The following CPQ variants were observed in gnomAD, a reference collection of about 807,000 sequenced individuals.
The protein encoded by CPQ is carboxypeptidase Q.
In CPQ, 37 loss-of-function variants were observed where a neutral mutation model predicts 45.7. The observed-to-expected ratio is 0.81, with a 90% CI of 0.62 to 1.07. The LOEUF is 1.07. Ranked by LOEUF, CPQ falls within the 50% of genes least tolerant of loss-of-function variation. The probability of loss-of-function intolerance (pLI) is 0.00; values close to 1 mark genes in which losing one functional copy is unlikely to be tolerated. For synonymous variants in CPQ, 186 were observed against 205.8 expected (o/e 0.90, Z 0.82); for missense variants, 537 against 572.9 (o/e 0.94, Z 0.64).
chr8:96,854,557 A>AAAAACAC lies in CPQ; in HGVS notation c.641+19379_641+19380insAACACAA, dbSNP rs1554573253. 3.9e-3 allele frequency among the ~76,000 whole-genome samples: 300 copies of AAAAACAC among 76,876 alleles called. 65 individuals carry two copies. The highest frequency in any genetic ancestry group is 0.01 in the African/African-American group (209 of 20,030). The allele number at this position is 76,876 out of a possible 152,430, so 50.4% of individuals were successfully genotyped here. The stretch of plus-strand genomic sequence containing the variant: ...AAAAAAAAAAAAAAAAAAAAAAAAA[A>AAAAACAC]AATGTGGTGGAACTAAAAGCCCAGT... On this transcript the variant is annotated intron_variant, in intron 3 of 7. Coordinates refer to ENST00000220763, the MANE Select transcript of CPQ (RefSeq NM_016134.4).
At chr8:96,781,438 A>G (rs915453862) in intron 1 of CPQ, among the ~76,000 whole-genome samples, 3 of 152,196 alleles carry the variant, frequency 2.0e-5, no homozygotes, top group African/African-American at 4.8e-5. Context: ...ACTCACTCCC[A>G]TGATAAATAA....
intron 1 of CPQ, among the ~76,000 whole-genome samples, chr8:96,672,317 T>C (rs748563995): frequency 2.0e-5 from 3 of 152,182 alleles, no homozygotes; most frequent in Admixed American, 6.5e-5. Flanking sequence ...GGACCTGCCA[T>C]GTACTAGACA....
chr8:97,072,284 A>G (rs1810756882), intron 7 of CPQ, among the ~76,000 whole-genome samples: 1 of 152,126 alleles, frequency 6.6e-6, no homozygotes, highest in South Asian at 2.1e-4. Context: ...AAATAATTAA[A>G]AGTAGCTGCA....
At chr8:97,027,126 C>T (rs1281992545) in intron 5 of CPQ, among the ~76,000 whole-genome samples, 23 of 152,232 alleles carry the variant, frequency 1.5e-4, no homozygotes, top group Admixed American at 1.5e-3. Context: ...GCCTATATTA[C>T]AAGCAAGTAA....
intron 1 of CPQ, among the ~76,000 whole-genome samples, chr8:96,758,491 G>A (rs1810355199): frequency 6.6e-6 from 1 of 152,160 alleles, no homozygotes; most frequent in Admixed American, 6.6e-5. Context: ...TATACTCATA[G>A]TAATTCTGAT....
chr8:97,013,363 A>G (rs1004357150), intron 5 of CPQ, among the ~76,000 whole-genome samples: 1 of 152,236 alleles, frequency 6.6e-6, no homozygotes, highest in African/African-American at 2.4e-5. Context: ...AGTTCTTTTT[A>G]TAAATCTGAT....
intron 6 of CPQ, among the ~76,000 whole-genome samples, chr8:97,042,796 T>C (rs1045445366): frequency 1.5e-4 from 23 of 152,218 alleles, no homozygotes; most frequent in African/African-American, 5.3e-4. Context: ...TTGAGCGGTT[T>C]TGAGTGAGTT....
chr8:96,745,734 T>A (rs999425577), intron 1 of CPQ, among the ~76,000 whole-genome samples: 3 of 152,200 alleles, frequency 2.0e-5, no homozygotes, highest in African/African-American at 7.2e-5. Context: ...AGAGGTGAAC[T>A]GGTAAATACC....
intron 1 of CPQ, among the ~76,000 whole-genome samples, chr8:96,651,696 T>C (rs1324432352): frequency 8.5e-5 from 8 of 94,638 alleles, no homozygotes; most frequent in African/African-American, 2.2e-4. Context: ...GAACATTTAA[T>C]AGTATATTTT....
chr8:96,803,426 A>G lies in CPQ; in HGVS notation c.433+18096A>G, dbSNP rs185508240. Among the ~76,000 whole-genome samples, 141 of 152,346 alleles carry G rather than the reference A, an allele frequency of 9.3e-4. 1 individual carries two copies. Among genetic ancestry groups the G allele is most frequent in the African/African-American group, 2.9e-3 (121 of 41,586 alleles). ...TCAGAAGTGGAGAAGCAAAAATGTT[A>G]AAGATCTATTAATACCTTTTGTATA... On this transcript the variant is annotated intron_variant, in intron 2 of 7. Transcript: ENST00000220763.
At chr8:96,962,380 AG>A (rs548314289) in intron 4 of CPQ, among the ~76,000 whole-genome samples, 22 of 152,346 alleles carry the variant, frequency 1.4e-4, no homozygotes, top group African/African-American at 5.3e-4. Context: ...TGAGTGCCTC[AG>A]GATGCAGAAC....
intron 3 of CPQ, among the ~76,000 whole-genome samples, chr8:96,863,137 G>C (rs1367578482): frequency 1.3e-5 from 2 of 152,096 alleles, no homozygotes; most frequent in Non-Finnish European, 2.9e-5. Flanking sequence ...TTCAGATATG[G>C]AGGAAATAAA....
Position 97,044,515 on chromosome 8 carries a change from C to G in CPQ, c.1053+15021C>G, listed in dbSNP as rs533989059. On this transcript the variant is annotated intron_variant, in intron 6 of 7. Transcript: ENST00000220763. ...AGTCATTCTCCATCCAGCTTTGTTCCGTTGCTGGTGAGGAACTGCCTTCCT... is the reference window on the plus strand; with the variant it reads ...AGTCATTCTCCATCCAGCTTTGTTCGGTTGCTGGTGAGGAACTGCCTTCCT... Among the ~76,000 whole-genome samples the G allele has an allele frequency of 5.9e-5, 9 of 152,336 alleles. No individual in the cohort carries two copies. In the East Asian group the frequency reaches 1.3e-3, roughly 23 times the overall value.
intron 2 of CPQ, among the ~76,000 whole-genome samples, chr8:96,802,016 G>C (rs1365167777): frequency 1.3e-5 from 2 of 151,912 alleles, no homozygotes; most frequent in African/African-American, 2.4e-5. Context: ...TTGTCTTTGT[G>C]TTTATTTTTT....
In CPQ at chr8:97,113,058, A is replaced by G. The variant is rs373532855; in HGVS notation, c.1256-29962A>G. On this transcript the variant is annotated intron_variant, in intron 7 of 7. Transcript: ENST00000220763. ...GGAGTGGGTTAGACAGCCCAGGAGA[A>G]GAGGAGGGATGCTAAGGAGCAGGCA... 2.0e-4 allele frequency among the ~76,000 whole-genome samples: 30 copies of G among 152,280 alleles called. No individual in the cohort carries two copies. In the East Asian group the frequency reaches 5.6e-3, roughly 28 times the overall value.
chr8:96,928,072 A>G (rs1490011150), intron 4 of CPQ, among the ~76,000 whole-genome samples: 4 of 152,160 alleles, frequency 2.6e-5, no homozygotes, highest in Non-Finnish European at 5.9e-5. Flanking sequence ...CGTACAGCTG[A>G]AGTTCATCAT....
intron 4 of CPQ, among the ~76,000 whole-genome samples, chr8:96,881,841 C>T (rs1232387350): frequency 1.3e-5 from 2 of 152,190 alleles, no homozygotes; most frequent in Admixed American, 1.3e-4. Flanking sequence ...CACATCACAG[C>T]TCACTGAATG....
rs1809620401 is a variant in CPQ, at chr8:96,712,546, GC to G, written c.-35+67147del. Among the ~76,000 whole-genome samples the G allele has an allele frequency of 5.9e-5, 9 of 152,290 alleles. No individual in the cohort carries two copies. In the South Asian group the frequency reaches 1.9e-3, roughly 32 times the overall value. On this transcript the variant is annotated intron_variant, in intron 1 of 7. Coordinates refer to ENST00000220763, the MANE Select transcript of CPQ (RefSeq NM_016134.4). Reference sequence around the variant, plus strand: ...GTTCTTGACTTCTGTGCACCCGCAGGCCCAACACCACATGTAAGCCACCAGG... The same window carrying G: ...GTTCTTGACTTCTGTGCACCCGCAGGCCAACACCACATGTAAGCCACCAGG...
intron 4 of CPQ, among the ~76,000 whole-genome samples, chr8:96,895,225 C>G (rs1812428975): frequency 6.6e-6 from 1 of 152,028 alleles, no homozygotes; most frequent in African/African-American, 2.4e-5. Context: ...AAAATTAATA[C>G]CTACTCATTT....
Sources: allele counts gnomAD v4.1 joint callset (sites outside exome capture counted in the v4.1 genomes callset), GRCh38; gene constraint gnomAD v4.1.1; transcripts MANE v1.5; gene names NCBI Gene and HGNC (gene_info 2026-07-23, HGNC 2026-07-21).